Variants in CENPC observed in about 807,000 individuals in gnomAD.
The protein encoded by CENPC is centromere protein C, also known as CENP-C 1.
A neutral mutation model predicts 112.1 loss-of-function variants in CENPC; 63 were observed. That is an observed-to-expected ratio of 0.56 (90% CI 0.46 to 0.69). CENPC has a LOEUF of 0.69. CENPC is among the 30% of genes least tolerant of loss of function. The pLI is 0.00. For missense variants in CENPC, 1,000 were observed against 1,103.8 expected, an observed-to-expected ratio of 0.91 and a Z score of 1.33; for synonymous variants, 333 against 367.6, an observed-to-expected ratio of 0.91 and a Z score of 1.08.
chr4:67,499,931 G>A (rs1010262111), intron 12 of CENPC, among the ~76,000 whole-genome samples: 1 of 152,132 alleles, frequency 6.6e-6, no homozygotes, highest in African/African-American at 2.4e-5. Context: ...AGGAAATAGG[G>A]AAGCCTGAAG....
chr4:67,534,510 T>C (rs979417034), intron 4 of CENPC, among the ~76,000 whole-genome samples: 1 of 152,200 alleles, frequency 6.6e-6, no homozygotes, highest in African/African-American at 2.4e-5. Context: ...ATTAGTGGCA[T>C]AAGACACAGG....
intron 4 of CENPC, among the ~76,000 whole-genome samples, chr4:67,532,190 T>C (rs897750190): frequency 2.0e-5 from 3 of 151,966 alleles, no homozygotes; most frequent in Non-Finnish European, 2.9e-5. Context: ...ATCAAAACCA[T>C]AATGAGACAC....
In CENPC at chr4:67,514,173, T is replaced by A; in HGVS notation, c.1345A>T (p.Ile449Phe). 6.2e-7 allele frequency: 1 copy of A among 1,612,654 alleles called. No homozygotes were observed. Among genetic ancestry groups the A allele is most frequent in the East Asian group, 2.2e-5 (1 of 44,778 alleles). Reference protein sequence around the residue: ...SKDENIHTSHITQDEFQRNSD... With the variant: ...SKDENIHTSHFTQDEFQRNSD... The stretch of plus-strand genomic sequence containing the variant: ...TTTCTTTGAAATTCGTCTTGGGTAA[T>A]ATGTGATGTATGTATGTTTTCATCT... Residue 449 changes from isoleucine to phenylalanine, a missense_variant, in exon 8 of 19, where the codon ATT (isoleucine) becomes TTT (phenylalanine). By Grantham distance (21) the Ile-to-Phe change is conservative (BLOSUM62 0). Coordinates refer to ENST00000273853, the MANE Select transcript of CENPC (RefSeq NM_001812.4).
intron 14 of CENPC, 53 bp downstream of exon 14, chr4:67,493,831 A>G: frequency 8.6e-7 from 1 of 1,162,382 alleles, no homozygotes; most frequent in Admixed American, 1.9e-5. Context: ...AGTGTCTGGC[A>G]CATAGTAAAC....
intron 15 of CENPC, 114 bp downstream of exon 15, chr4:67,492,755 G>A: frequency 7.5e-7 from 1 of 1,334,100 alleles, no homozygotes; most frequent in Non-Finnish European, 9.9e-7. Flanking sequence ...TTTTACCTAT[G>A]GTATTATTTC....
At chr4:67,525,558 A>G (rs779984916) in intron 5 of CENPC, among the ~76,000 whole-genome samples, 1 of 152,230 alleles carries the variant, frequency 6.6e-6, no homozygotes, top group Non-Finnish European at 1.5e-5. Context: ...GCCAACAAAC[A>G]TAATTAAAAA....
At chr4:67,523,375 T>C (rs769609252) in intron 5 of CENPC, among the ~76,000 whole-genome samples, 2 of 152,166 alleles carry the variant, frequency 1.3e-5, no homozygotes, top group Non-Finnish European at 2.9e-5. Flanking sequence ...ATAAGCACTA[T>C]TCTCTAGTTG....
chr4:67,531,275 T>A (rs1726540642), intron 4 of CENPC, among the ~76,000 whole-genome samples: 1 of 152,148 alleles, frequency 6.6e-6, no homozygotes, highest in Non-Finnish European at 1.5e-5. Flanking sequence ...AATTATTATT[T>A]TAACCAGAAA....
intron 17 of CENPC, among the ~76,000 whole-genome samples, chr4:67,485,034 A>G (rs1179378773): frequency 6.6e-6 from 1 of 152,146 alleles, no homozygotes; most frequent in Admixed American, 6.5e-5. Context: ...TGGAGCTTGC[A>G]GTGAGCTGAG....
rs1386699001 is a variant in CENPC, at chr4:67,527,520, G to A, written c.331+3295C>T. On this transcript the variant is annotated intron_variant, in intron 5 of 18. Transcript: ENST00000273853. The stretch of plus-strand genomic sequence containing the variant: ...TTTTTTTTTTTTTTTTTTTTTTTTT[G>A]AGACAGGGTCTGACTCTGTACCCAG... Among the ~76,000 whole-genome samples, 80 of 27,540 alleles carry A rather than the reference G, an allele frequency of 2.9e-3. 2 individuals carry two copies. The East Asian group carries it at 0.051, about 18-fold the overall frequency. 18.1% of individuals were successfully genotyped at this position (27,540 alleles called of 152,430 possible).
rs780441720 is a variant in CENPC, at chr4:67,490,116, C to A, written c.2521G>T (p.Val841Leu). ...ETREIILMDL[V>L]RPQDTYQFFV... ...AATTGATATGTATCTTGTGGCCTTA[C>A]AAGATCTAGGAGTAAAACAGTAATA... Residue 841 changes from valine (V) to leucine (L), a missense_variant, in exon 17 of 19, where the codon GTA (valine) becomes TTA (leucine). By Grantham distance (32) the Val-to-Leu change is conservative. Coordinates refer to ENST00000273853, the MANE Select transcript of CENPC (RefSeq NM_001812.4). 6.3e-7 allele frequency: 1 copy of A among 1,599,592 alleles called. No homozygotes were observed. The highest frequency in any genetic ancestry group is 8.5e-7 in the Non-Finnish European group (1 of 1,173,682).
intron 11 of CENPC, among the ~76,000 whole-genome samples, chr4:67,506,199 A>G (rs1725727597): frequency 6.6e-6 from 1 of 152,218 alleles, no homozygotes; most frequent in Non-Finnish European, 1.5e-5. Context: ...TTTGATCACT[A>G]AATGTGGTCA....
intron 1 of CENPC, among the ~76,000 whole-genome samples, chr4:67,544,956 G>C (rs1726986659): frequency 6.6e-6 from 1 of 151,958 alleles, no homozygotes; most frequent in African/African-American, 2.4e-5. Context: ...AAAGTTATTT[G>C]GAGGCCTAGG....
intron 17 of CENPC, among the ~76,000 whole-genome samples, chr4:67,476,348 T>C (rs1020757877): frequency 1.3e-5 from 2 of 151,876 alleles, no homozygotes; most frequent in African/African-American, 4.8e-5. Context: ...GCCCAAAGTG[T>C]GAAAGGGGGG....
intron 4 of CENPC, among the ~76,000 whole-genome samples, chr4:67,535,156 T>C (rs1268646218): frequency 1.3e-5 from 2 of 152,010 alleles, no homozygotes; most frequent in East Asian, 1.9e-4. Flanking sequence ...AAAATATATA[T>C]TATTTTTTAA....
intron 4 of CENPC, among the ~76,000 whole-genome samples, chr4:67,537,118 A>T (rs1015301893): frequency 6.6e-6 from 1 of 152,032 alleles, no homozygotes; most frequent in Non-Finnish European, 1.5e-5. Flanking sequence ...CATTAACAAG[A>T]CTGGAAAAAG....
intron 16 of CENPC, among the ~76,000 whole-genome samples, chr4:67,490,469 C>T (rs564904003): frequency 2.0e-5 from 3 of 151,974 alleles, no homozygotes; most frequent in Admixed American, 6.6e-5. Context: ...GCAAAAAGTA[C>T]GCACTGTTAG....
intron 2 of CENPC, among the ~76,000 whole-genome samples, chr4:67,543,190 GCTCAATCCAACTCATATGGT>G (rs1726935933): frequency 6.6e-6 from 1 of 152,000 alleles, no homozygotes; most frequent in Non-Finnish European, 1.5e-5. Flanking sequence ...CCATTTTATG[GCTCAATCCAACTCATATGGT>G]CTTGTTTTCC....
intron 18 of CENPC, 32 bp downstream of exon 18, chr4:67,474,856 A>C: frequency 1.6e-6 from 2 of 1,286,896 alleles, no homozygotes; most frequent in Non-Finnish European, 2.2e-6. Flanking sequence ...ACAACTATAT[A>C]CATGTTGTCT....
Sources: gnomAD v4.1 joint callset for allele counts (sites outside exome capture counted in the v4.1 genomes callset) on GRCh38, gnomAD v4.1.1 for gene constraint, MANE v1.5 for transcripts, NCBI Gene and HGNC (gene_info 2026-07-23, HGNC 2026-07-21) for gene names.